The following KIR2DL1 variants were observed in gnomAD, a reference collection of about 807,000 sequenced individuals.
KIR2DL1 encodes the protein killer cell immunoglobulin-like receptor 2DL1.
KIR2DL1 carries 38 observed loss-of-function variants against 33.9 expected under a neutral mutation model. The ratio of observed to expected loss-of-function variants is 1.12; its 90% CI spans 0.86 to 1.47. The LOEUF is 1.47. Ranked by LOEUF, KIR2DL1 falls within the 40% of genes most tolerant of loss-of-function variation. KIR2DL1 has a pLI of 0.00. For missense variants in KIR2DL1, 531 were observed against 433.9 expected, an observed-to-expected ratio of 1.22 and a Z score of -1.99; for synonymous variants, 179 against 165.9, an observed-to-expected ratio of 1.08 and a Z score of -0.61.
chr19:54,776,689 G>T (rs1415804844), intron 4 of KIR2DL1, among the ~76,000 whole-genome samples: 1 of 143,864 alleles, frequency 7.0e-6, no homozygotes, highest in Non-Finnish European at 1.5e-5. Flanking sequence ...GCCCAAGCTG[G>T]AGTCAAAGTG....
At chr19:54,780,102 C>T in intron 5 of KIR2DL1, 1 of 522,556 alleles carries the variant, frequency 1.9e-6, no homozygotes, top group Non-Finnish European at 3.4e-6. Context: ...GGATGTTTCA[C>T]CACGTTGGCC....
At chr19:54,782,334 T>G (rs1210443874) in intron 5 of KIR2DL1, among the ~76,000 whole-genome samples, 1 of 152,060 alleles carries the variant, frequency 6.6e-6, no homozygotes, top group East Asian at 1.9e-4. Context: ...CTCGGTAACT[T>G]CTAAAGAAAA....
At chr19:54,773,099 G>A (rs1280763374) in intron 2 of KIR2DL1, among the ~76,000 whole-genome samples, 1 of 148,572 alleles carries the variant, frequency 6.7e-6, no homozygotes, top group Non-Finnish European at 1.5e-5. Flanking sequence ...AAGAGATGAG[G>A]CTGAGCCCAG....
chr19:54,771,885 C>G (rs1262864193), intron 2 of KIR2DL1, among the ~76,000 whole-genome samples: 1 of 146,434 alleles, frequency 6.8e-6, no homozygotes, highest in East Asian at 2.0e-4. Flanking sequence ...CTGGAGATCA[C>G]GGTCACAGGT....
Position 54,770,449 on chromosome 19 carries a change from G to A in KIR2DL1, c.35-400G>A, listed in dbSNP as rs2075556698. Among the ~76,000 whole-genome samples the A allele has an allele frequency of 3.4e-5, 5 of 146,252 alleles. No homozygotes were observed. The South Asian group carries it at 1.1e-3, about 32-fold the overall frequency. On this transcript the variant is annotated intron_variant, in intron 1 of 7. Transcript: ENST00000336077. ...GGGTGTGGAGATATGGGACTGGAGA[G>A]GATATATGGGCCTGGAGTGGAGATA... is the stretch of plus-strand genomic sequence containing the variant.
intron 5 of KIR2DL1, among the ~76,000 whole-genome samples, chr19:54,781,654 C>T (rs1438164809): frequency 9.2e-4 from 140 of 151,960 alleles, no homozygotes; most frequent in African/African-American, 3.0e-3. Flanking sequence ...GTGGTCCTTC[C>T]CCCAGCCTCT....
chr19:54,770,597 G>A (rs1342356041), intron 1 of KIR2DL1, among the ~76,000 whole-genome samples: 2 of 141,952 alleles, frequency 1.4e-5, no homozygotes, highest in African/African-American at 5.2e-5. Flanking sequence ...TATGGGCTTA[G>A]GGTGGAAATA....
At chr19:54,770,999 G>A (rs2075651594) in intron 2 of KIR2DL1, 115 bp downstream of exon 2, 1 of 1,432,076 alleles carries the variant, frequency 7.0e-7, no homozygotes, top group East Asian at 2.3e-5. Flanking sequence ...GGGACCCTGG[G>A]GTGCTGGGCC....
intron 5 of KIR2DL1, among the ~76,000 whole-genome samples, chr19:54,781,333 G>C (rs2076909362): frequency 1.3e-5 from 2 of 148,954 alleles, no homozygotes; most frequent in Non-Finnish European, 3.0e-5. Context: ...TTCCCTATTT[G>C]GCTTTCTGTG....
intron 5 of KIR2DL1, among the ~76,000 whole-genome samples, chr19:54,782,577 G>C (rs1205979628): frequency 6.6e-6 from 1 of 152,004 alleles, no homozygotes; most frequent in Non-Finnish European, 1.5e-5. Flanking sequence ...GGGGGAACTT[G>C]CTAACCCCGT....
chr19:54,776,634 C>CTTTTTTTTTTTTTT (rs113294942), intron 4 of KIR2DL1, among the ~76,000 whole-genome samples: 5 of 128,314 alleles, frequency 3.9e-5, no homozygotes, highest in Non-Finnish European at 6.7e-5. Context: ...TGAAAGTTCT[C>CTTTTTTTTTTTTTT]TTTTTTTTTT....
Position 54,775,307 on chromosome 19 carries a change from C to T in KIR2DL1, c.513C>T (p.Leu171=), listed in dbSNP as rs145375570. Residue 171 remains leucine, a synonymous_variant, in exon 4 of 8, where the codon CTC becomes CTT. Transcript: ENST00000336077. ...SREGEAHERR[L]PAGPKVNGTF... is the part of the protein sequence containing the mutation. ...AAGGGGAGGCCCATGAACGTAGGCT[C>T]CCTGCAGGGCCCAAGGTCAACGGAA... 3.1e-4 allele frequency: 484 copies of T among 1,584,630 alleles called. No homozygotes were observed. The African/African-American group carries it at 6.2e-3, about 20-fold the overall frequency.
chr19:54,778,810 G>C, intron 5 of KIR2DL1, 148 bp downstream of exon 5: 1 of 1,077,514 alleles, frequency 9.3e-7, no homozygotes, highest in Non-Finnish European at 1.4e-6. Flanking sequence ...ACAGCGAAAG[G>C]GATCTGGGCC....
intron 2 of KIR2DL1, 141 bp downstream of exon 2, chr19:54,771,025 G>A (rs1340333914): frequency 7.9e-6 from 10 of 1,272,034 alleles, no homozygotes. Context: ...TTCTGACCTT[G>A]CCTCCCTGGC....
chr19:54,778,214 G>A (rs1421811569), intron 4 of KIR2DL1, among the ~76,000 whole-genome samples: 4 of 148,910 alleles, frequency 2.7e-5, no homozygotes, highest in Admixed American at 1.4e-4. Context: ...AACCGAGATT[G>A]CACCTCTGCA....
At chr19:54,774,764 A>G (rs1223968625) in intron 3 of KIR2DL1, among the ~76,000 whole-genome samples, 2 of 148,432 alleles carry the variant, frequency 1.3e-5, no homozygotes, top group African/African-American at 4.9e-5. Context: ...ATATATAGAT[A>G]TAGATGACAG....
intron 2 of KIR2DL1, among the ~76,000 whole-genome samples, chr19:54,771,441 T>C (rs2075714265): frequency 6.8e-6 from 1 of 148,128 alleles, no homozygotes; most frequent in Non-Finnish European, 1.5e-5. Flanking sequence ...CTGACACTTT[T>C]GTTGTAGGGA....
intron 4 of KIR2DL1, among the ~76,000 whole-genome samples, chr19:54,776,180 A>G (rs145867940): frequency 0.11 from 10,524 of 92,380 alleles, 148 homozygotes; most frequent in South Asian, 0.23. Flanking sequence ...ATGGGCCACC[A>G]GGCCCAGCCA....
Position 54,783,144 on chromosome 19 carries a change from G to A in KIR2DL1, c.817+121G>A, listed in dbSNP as rs1405502489. ...CCTGGCCCAAGGCAGCAGCCACAGA[G>A]GCAGGACTTTCTAGAGAGGGCACCA... On this transcript the variant is annotated intron_variant, in intron 6 of 7. Transcript: ENST00000336077. The A allele has an allele frequency of 4.1e-4, 487 of 1,188,742 alleles. 2 individuals carry two copies. Among genetic ancestry groups the A allele is most frequent in the Non-Finnish European group, 5.6e-4 (453 of 812,260 alleles). The allele number at this position is 1,188,742 out of a possible 1,614,324, so 73.6% of individuals were successfully genotyped here.
Sources: gnomAD v4.1 joint callset for allele counts (sites outside exome capture counted in the v4.1 genomes callset) on GRCh38, gnomAD v4.1.1 for gene constraint, MANE v1.5 for transcripts, NCBI Gene and HGNC (gene_info 2026-07-23, HGNC 2026-07-21) for gene names.